GNB1L: variants seen among roughly 807,000 people sequenced by gnomAD.
GNB1L encodes the protein G protein subunit beta 1 like.
Under a neutral mutation model 29.1 loss-of-function variants are expected in GNB1L, and 20 were observed. That is an observed-to-expected ratio of 0.69 (90% CI 0.48 to 1.00). The LOEUF is 1.00. Among genes scored for constraint, GNB1L ranks in the 50% least tolerant of loss-of-function variants. GNB1L has a pLI of 0.00. For missense variants in GNB1L, 421 were observed against 464.9 expected (o/e 0.91, Z 0.87); for synonymous variants, 193 against 206.5 (o/e 0.93, Z 0.56).
At chr22:19,837,876 C>G (rs963737482) in intron 2 of GNB1L, among the ~76,000 whole-genome samples, 1 of 152,118 alleles carries the variant, frequency 6.6e-6, no homozygotes, top group African/African-American at 2.4e-5. Flanking sequence ...AGAGTAAATT[C>G]TGTGATTCTA....
intron 6 of GNB1L, among the ~76,000 whole-genome samples, chr22:19,802,971 G>A (rs1381761223): frequency 6.6e-6 from 1 of 152,236 alleles, no homozygotes; most frequent in Non-Finnish European, 1.5e-5. Flanking sequence ...AAGAATGACA[G>A]CCCAGAGAAA....
Position 19,806,143 on chromosome 22 carries a change from A to C in GNB1L, c.516+516T>G, listed in dbSNP as rs1186722656. Among the ~76,000 whole-genome samples the C allele has an allele frequency of 2.0e-5, 3 of 152,238 alleles. No homozygotes were observed. In the East Asian group the frequency reaches 5.8e-4, roughly 29 times the overall value. On this transcript the variant is annotated intron_variant, in intron 6 of 7. Transcript: ENST00000329517. ...AACCACAAAGAACAGTTGAGAAGGA[A>C]GGAAATGTTCATGGATCAGAAATTC...
intron 5 of GNB1L, 43 bp from the exon 6 acceptor site, chr22:19,806,800 G>A (rs766350705): frequency 7.5e-6 from 10 of 1,327,352 alleles, no homozygotes; most frequent in Non-Finnish European, 1.1e-5. Context: ...TCGCCAAGTC[G>A]AGTCTGCGCT....
At chr22:19,794,208 C>T (rs1322387595) in intron 7 of GNB1L, among the ~76,000 whole-genome samples, 3 of 152,098 alleles carry the variant, frequency 2.0e-5, no homozygotes, top group South Asian at 4.1e-4. Flanking sequence ...TGTGATTGCA[C>T]CACTGCACCC....
intron 2 of GNB1L, among the ~76,000 whole-genome samples, chr22:19,844,803 G>A (rs553232179): frequency 2.9e-4 from 44 of 152,338 alleles, no homozygotes; most frequent in Middle Eastern, 3.4e-3. Context: ...CAGAGGGACC[G>A]GCCTTTTTGA....
At chr22:19,826,433 T>A (rs534133253) in intron 2 of GNB1L, among the ~76,000 whole-genome samples, 2 of 152,242 alleles carry the variant, frequency 1.3e-5, no homozygotes, top group Admixed American at 1.3e-4. Context: ...AACAAGGCAC[T>A]GTAATCGAGA....
At chr22:19,849,775 G>A (rs10372) in intron 2 of GNB1L, 141,650 of 984,764 alleles carry the variant, frequency 0.14, 11,735 homozygotes, top group African/African-American at 0.35. Context: ...CCAGGAAGGT[G>A]TTGTTTTGTT....
chr22:19,853,407 C>G (rs1938156746), intron 2 of GNB1L, among the ~76,000 whole-genome samples: 1 of 152,146 alleles, frequency 6.6e-6, no homozygotes. Flanking sequence ...AAGGAGCCCT[C>G]CTGTAGGGCT....
At chr22:19,822,389 C>T (rs912734146) in intron 2 of GNB1L, among the ~76,000 whole-genome samples, 12 of 152,162 alleles carry the variant, frequency 7.9e-5, no homozygotes, top group African/African-American at 2.2e-4. Context: ...AGAGGCTTCC[C>T]GGGTCCGTGC....
At chr22:19,814,354 C>T (rs1014279672) in intron 4 of GNB1L, among the ~76,000 whole-genome samples, 3 of 152,180 alleles carry the variant, frequency 2.0e-5, no homozygotes, top group East Asian at 1.9e-4. Context: ...TCGGCTTAAA[C>T]GATCCTCCCG....
At chr22:19,847,660 G>A (rs945157024) in intron 2 of GNB1L, 1 of 984,952 alleles carries the variant, frequency 1.0e-6, no homozygotes, top group Middle Eastern at 5.2e-4. Flanking sequence ...CACCTAGCAA[G>A]TAGTCACAGC....
chr22:19,845,771 C>T (rs1342245637), intron 2 of GNB1L, among the ~76,000 whole-genome samples: 3 of 152,228 alleles, frequency 2.0e-5, no homozygotes, highest in Non-Finnish European at 1.5e-5. Flanking sequence ...AAGGCACCCC[C>T]GAGGCCTGCA....
chr22:19,802,366 G>A, intron 6 of GNB1L, 150 bp from the exon 7 acceptor site: 1 of 650,982 alleles, frequency 1.5e-6, no homozygotes, highest in East Asian at 2.7e-5. Context: ...CAGAAGCTCT[G>A]CACCGCCAGT....
intron 4 of GNB1L, among the ~76,000 whole-genome samples, chr22:19,819,860 C>A (rs971954949): frequency 6.6e-6 from 1 of 152,164 alleles, no homozygotes; most frequent in Middle Eastern, 3.2e-3. Context: ...CACTACCACG[C>A]CCACTTCAGA....
At chr22:19,846,435 C>T (rs986101435) in intron 2 of GNB1L, 51 of 985,280 alleles carry the variant, frequency 5.2e-5, no homozygotes, top group Non-Finnish European at 5.9e-5. Context: ...TTGGCCATCC[C>T]CACTCCTCAG....
Position 19,823,591 on chromosome 22 carries a change from G to A in GNB1L, c.-20-2216C>T, listed in dbSNP as rs563704660. The stretch of plus-strand genomic sequence containing the variant: ...CCTAGCAGGAAAGCACCGAGTCCAG[G>A]ATGGAGGGTCCCTCCCATGACTCCA... On this transcript the variant is annotated intron_variant, in intron 2 of 7. Coordinates refer to ENST00000329517, the MANE Select transcript of GNB1L (RefSeq NM_053004.3). 3.3e-5 allele frequency among the ~76,000 whole-genome samples: 5 copies of A among 152,326 alleles called. No individual in the cohort carries two copies. The East Asian group carries it at 9.6e-4, about 29-fold the overall frequency.
chr22:19,845,252 T>G (rs760404649), intron 2 of GNB1L, among the ~76,000 whole-genome samples: 2 of 152,244 alleles, frequency 1.3e-5, no homozygotes, highest in Non-Finnish European at 2.9e-5. Context: ...GCAATGTGCT[T>G]GCCCACATCC....
intron 6 of GNB1L, among the ~76,000 whole-genome samples, chr22:19,805,393 G>A (rs1013627377): frequency 7.2e-5 from 11 of 152,218 alleles, no homozygotes; most frequent in African/African-American, 2.4e-4. Context: ...AGGCCCATCC[G>A]GTCTCGCTCT....
At chr22:19,839,568 C>A (rs995070909) in intron 2 of GNB1L, among the ~76,000 whole-genome samples, 1 of 151,674 alleles carries the variant, frequency 6.6e-6, no homozygotes, top group Non-Finnish European at 1.5e-5. Context: ...CACAGGGAGA[C>A]CCTGTCTCTA....
Sources: gnomAD v4.1 joint callset for allele counts (sites outside exome capture counted in the v4.1 genomes callset) on GRCh38, gnomAD v4.1.1 for gene constraint, MANE v1.5 for transcripts, NCBI Gene and HGNC (gene_info 2026-07-23, HGNC 2026-07-21) for gene names.